GNL3L: variants seen among roughly 807,000 people sequenced by gnomAD.
GNL3L encodes G protein nucleolar 3 like, also known as guanine nucleotide-binding protein-like 3-like protein.
A neutral mutation model predicts 42.9 loss-of-function variants in GNL3L; 4 were observed. The ratio of observed to expected loss-of-function variants is 0.09; its 90% CI spans 0.05 to 0.21. The LOEUF (loss-of-function observed/expected upper bound fraction) is 0.21. Ranked by LOEUF, GNL3L falls within the 10% of genes least tolerant of loss-of-function variation. The probability of loss-of-function intolerance (pLI) is 1.00; values close to 1 mark genes in which losing one functional copy is unlikely to be tolerated. For missense variants in GNL3L, 412 were observed against 481.7 expected (o/e 0.86, Z 1.36); for synonymous variants, 159 against 176.3 (o/e 0.90, Z 0.78).
In GNL3L at chrX:54,565,824, G is replaced by GTT. The variant is rs766645013; in HGVS notation, c.*5242_*5243dup. ...AGGATTATATGCTGGATACAGGGGT[G>GTT]TTTTTTTTTTTTTTTTTTTTTGAAA... is the stretch of plus-strand genomic sequence containing the variant. On this transcript the variant is annotated 3_prime_UTR_variant, in exon 16 of 16. Transcript: ENST00000360845. Among the ~76,000 whole-genome samples, 76 of 67,801 alleles carry GTT rather than the reference G, an allele frequency of 1.1e-3. 1 individual carries two copies. The highest frequency in any genetic ancestry group is 1.6e-3 in the East Asian group (4 of 2,429). The allele number at this position is 67,801 out of a possible 115,157, so 58.9% of individuals were successfully genotyped here.
chrX:54,600,559 C>A (rs988791903), intron 16 of GNL3L, among the ~76,000 whole-genome samples: 2 of 110,224 alleles, frequency 1.8e-5, no homozygotes, highest in African/African-American at 6.6e-5. Flanking sequence ...TGTGACTACT[C>A]TGCTGGTTGA....
In GNL3L at chrX:54,554,322, G is replaced by C. The variant is rs775038344; in HGVS notation, c.1319-243G>C. On this transcript the variant is annotated intron_variant, in intron 13 of 15. Coordinates refer to ENST00000360845, the MANE Select transcript of GNL3L (RefSeq NM_001184819.2). ...CAGCAGCCCAGTGTGAAGAGGGCTT[G>C]TGGAATTCCCATTTTCCACATGAGG... is the stretch of plus-strand genomic sequence containing the variant. Among the ~76,000 whole-genome samples, 4 of 111,841 alleles carry C rather than the reference G, an allele frequency of 3.6e-5. No individual in the cohort carries two copies. In the Admixed American group the frequency reaches 3.8e-4, roughly 11 times the overall value.
chrX:54,602,440 C>T (rs1242297550), intron 16 of GNL3L, among the ~76,000 whole-genome samples: 5 of 110,376 alleles, frequency 4.5e-5, no homozygotes, highest in Admixed American at 9.7e-5. Context: ...ATTTAAACCT[C>T]CATGATACCT....
chrX:54,581,312 G>A (rs1925711293), intron 16 of GNL3L, among the ~76,000 whole-genome samples: 1 of 111,611 alleles, frequency 9.0e-6, no homozygotes, highest in South Asian at 3.8e-4. Flanking sequence ...GCTCACTGCA[G>A]CCTTGAACTC....
intron 16 of GNL3L, among the ~76,000 whole-genome samples, chrX:54,583,999 T>TA (rs1441440983): frequency 9.0e-6 from 1 of 110,980 alleles, no homozygotes; most frequent in Non-Finnish European, 1.9e-5. Flanking sequence ...GGAAAGAACA[T>TA]ACCTCAACAT....
intron 16 of GNL3L, among the ~76,000 whole-genome samples, chrX:54,613,119 C>T (rs1241530501): frequency 1.8e-5 from 2 of 111,337 alleles, no homozygotes; most frequent in Admixed American, 9.5e-5. Context: ...AGACTTTGTT[C>T]ATATTTCCTT....
At chrX:54,645,138 CA>C in the GNL3L span, among the ~76,000 whole-genome samples, 1 of 111,500 alleles carries the variant, frequency 9.0e-6, no homozygotes, top group African/African-American at 3.3e-5. Context: ...TCAAGTTACA[CA>C]GCTATGTCAT....
At chrX:54,629,881 G>T in the GNL3L span, among the ~76,000 whole-genome samples, 19 of 111,340 alleles carry the variant, frequency 1.7e-4, no homozygotes, top group East Asian at 1.1e-3. Flanking sequence ...GAATGCATTT[G>T]GTCCTCTACT....
chrX:54,627,826 T>C, the GNL3L span, among the ~76,000 whole-genome samples: 1 of 111,927 alleles, frequency 8.9e-6, no homozygotes, highest in Non-Finnish European at 1.9e-5. Flanking sequence ...ATTCCTCTTA[T>C]TATTTTTCTT....
intron 16 of GNL3L, among the ~76,000 whole-genome samples, chrX:54,589,565 T>A (rs2147519974): frequency 8.9e-6 from 1 of 112,110 alleles, no homozygotes; most frequent in South Asian, 3.7e-4. Flanking sequence ...TGCAAATGAC[T>A]GGATCTCATT....
intron 16 of GNL3L, among the ~76,000 whole-genome samples, chrX:54,591,653 A>C (rs1010509895): frequency 2.8e-5 from 3 of 106,149 alleles, no homozygotes; most frequent in East Asian, 3.0e-4. Flanking sequence ...TGAGTTCTCT[A>C]CTCTGTTCCT....
chrX:54,636,417 T>G, the GNL3L span, among the ~76,000 whole-genome samples: 580 of 111,989 alleles, frequency 5.2e-3, 4 homozygotes, highest in African/African-American at 0.017. Context: ...ATATGCAAAT[T>G]TGTTACATGG....
Position 54,593,192 on chromosome X carries a change from G to A in GNL3L, c.*46-27653G>A, listed in dbSNP as rs1228521362. ...TCTATTTTTTGGAATAGTTTGAGTAGTATTGGTGTTAGCTTTTCTTTAAAT... is the reference window on the plus strand; with the variant it reads ...TCTATTTTTTGGAATAGTTTGAGTAATATTGGTGTTAGCTTTTCTTTAAAT... On this transcript the variant is annotated intron_variant, in intron 16 of 16. Transcript: ENST00000674498. 9.8e-5 allele frequency among the ~76,000 whole-genome samples: 11 copies of A among 111,990 alleles called. No individual in the cohort carries two copies. In the South Asian group the frequency reaches 4.0e-3, roughly 41 times the overall value.
intron 16 of GNL3L, among the ~76,000 whole-genome samples, chrX:54,614,586 C>T (rs1296692875): frequency 1.8e-5 from 2 of 111,212 alleles, no homozygotes; most frequent in East Asian, 2.8e-4. Context: ...GCCAGCTCCC[C>T]GGGCCTTTCT....
chrX:54,590,106 ATTT>A (rs1183337745), intron 16 of GNL3L, among the ~76,000 whole-genome samples: 2 of 110,295 alleles, frequency 1.8e-5, no homozygotes, highest in East Asian at 5.7e-4. Context: ...TGCCCAGCTA[ATTT>A]TTGTATTTTT....
chrX:54,541,627 G>A (rs1924621383), intron 5 of GNL3L, among the ~76,000 whole-genome samples: 1 of 109,996 alleles, frequency 9.1e-6, no homozygotes. Context: ...CCAAGGTTGA[G>A]CCTGAAGACT....
chrX:54,533,914 T>C (rs1365329025), intron 2 of GNL3L, among the ~76,000 whole-genome samples: 1 of 110,369 alleles, frequency 9.1e-6, no homozygotes, highest in Non-Finnish European at 1.9e-5. Flanking sequence ...TTAAGAATTC[T>C]GGCTGTTTAA....
the GNL3L span, among the ~76,000 whole-genome samples, chrX:54,631,447 A>G: frequency 9.0e-6 from 1 of 110,993 alleles, no homozygotes; most frequent in Non-Finnish European, 1.9e-5. Flanking sequence ...GAGCACTTAT[A>G]TATAAAAGTG....
chrX:54,536,202 C>T (rs868725022), intron 2 of GNL3L, among the ~76,000 whole-genome samples: 3 of 107,301 alleles, frequency 2.8e-5, no homozygotes, highest in African/African-American at 1.0e-4. Context: ...TTAGTAGAGA[C>T]GGGGTTTCAC....
Sources: allele counts gnomAD v4.1 joint callset (sites outside exome capture counted in the v4.1 genomes callset), GRCh38; gene constraint gnomAD v4.1.1; transcripts MANE v1.5; gene names NCBI Gene and HGNC (gene_info 2026-07-23, HGNC 2026-07-21).